The following ARMC2 variants were observed in gnomAD, a reference collection of about 807,000 sequenced individuals.
ARMC2 encodes the protein armadillo repeat containing 2, also known as armadillo repeat-containing protein 2.
A neutral mutation model predicts 90.3 loss-of-function variants in ARMC2; 67 were observed. That is an observed-to-expected ratio of 0.74 (90% CI 0.61 to 0.91). ARMC2 has a LOEUF of 0.91. Among genes scored for constraint, ARMC2 ranks in the 40% least tolerant of loss-of-function variants. The pLI, the probability that ARMC2 is intolerant of heterozygous loss-of-function variation, is 0.00. For missense variants in ARMC2, 920 were observed against 1,030.9 expected, an observed-to-expected ratio of 0.89 and a Z score of 1.47; for synonymous variants, 393 against 393.0, an observed-to-expected ratio of 1.00 and a Z score of 0.00.
the ARMC2 span, among the ~76,000 whole-genome samples, chr6:109,023,028 T>C: frequency 6.6e-6 from 1 of 152,190 alleles, no homozygotes; most frequent in African/African-American, 2.4e-5. Flanking sequence ...ATCTGCTCTG[T>C]ATGACTGCTC....
At chr6:108,872,784 G>C (rs1249412756) in intron 4 of ARMC2, among the ~76,000 whole-genome samples, 3 of 152,202 alleles carry the variant, frequency 2.0e-5, no homozygotes, top group South Asian at 4.1e-4. Context: ...CTACAGAAGT[G>C]TTTGCCAAAC....
rs1026234888 is a variant in ARMC2 at position 108,964,191 on chromosome 6, A to G, written c.2164A>G (p.Met722Val). 1.2e-6 allele frequency: 2 copies of G among 1,613,772 alleles called. No homozygotes were observed. The highest frequency in any genetic ancestry group is 3.3e-5 in the Admixed American group (2 of 59,964). The change falls in exon 16 of 18, where the codon ATG becomes GTG. Residue 722 changes from methionine to valine, a missense_variant. By Grantham distance (21) the Met-to-Val change is conservative (BLOSUM62 1). Transcript: ENST00000392644. ...CTCTTCCCTCGTAGTCCACAGGTTC[A>G]TGATGGCGCTGCTGGATGCTCAGCA... is the stretch of plus-strand genomic sequence containing the variant. ...FIVQNNVHRF[M>V]MALLDAQHQD...
the ARMC2 span, among the ~76,000 whole-genome samples, chr6:108,981,852 A>G: frequency 1.3e-5 from 2 of 152,028 alleles, no homozygotes; most frequent in Non-Finnish European, 2.9e-5. Context: ...TTTTTAGTAG[A>G]GATGGGGTTT....
chr6:108,889,433 A>C lies in ARMC2; in HGVS notation c.672-5034A>C, dbSNP rs555127009. On this transcript the variant is annotated intron_variant, in intron 5 of 17. Coordinates refer to ENST00000392644, the MANE Select transcript of ARMC2 (RefSeq NM_032131.6). ...AGTGCTGGGATTACAGGTGTGACCC[A>C]CTGCGCCCTGCCTGTTATTATTTTT... 2.0e-5 allele frequency among the ~76,000 whole-genome samples: 3 copies of C among 151,690 alleles called. No homozygotes were observed. In the South Asian group the frequency reaches 6.2e-4, roughly 32 times the overall value.
chr6:108,909,751 GT>G (rs1773219061), intron 8 of ARMC2, among the ~76,000 whole-genome samples: 1 of 152,066 alleles, frequency 6.6e-6, no homozygotes, highest in Admixed American at 6.5e-5. Context: ...GGTCAGGCTG[GT>G]CTCGAACTCC....
intron 12 of ARMC2, among the ~76,000 whole-genome samples, chr6:108,942,682 G>A (rs960850906): frequency 7.9e-5 from 12 of 152,004 alleles, no homozygotes; most frequent in Admixed American, 5.2e-4. Flanking sequence ...AAGCTTTGTA[G>A]TCTCTTAATA....
the ARMC2 span, among the ~76,000 whole-genome samples, chr6:109,011,875 C>T: frequency 7.2e-5 from 11 of 152,098 alleles, no homozygotes; most frequent in Admixed American, 3.3e-4. Context: ...GCAATTTTCC[C>T]GCCTTTGCCT....
At position 108,962,698 on chromosome 6, in the gene ARMC2, A is replaced by G. The variant is rs79527115; in HGVS notation, c.2152+571A>G. On this transcript the variant is annotated intron_variant, in intron 15 of 17. Transcript: ENST00000392644. ...AGTATAAATAGTAATTGGAAATAGT[A>G]AACTCCAATTTAAGACAGAGTTCAG... Among the ~76,000 whole-genome samples, 1,203 of 152,354 alleles carry G rather than the reference A, an allele frequency of 7.9e-3. 20 individuals carry two copies. The highest frequency in any genetic ancestry group is 0.028 in the African/African-American group (1,156 of 41,582).
intron 1 of ARMC2, chr6:108,848,803 GCCGCTGT>G: frequency 6.6e-6 from 1 of 152,488 alleles, no homozygotes; most frequent in South Asian, 2.1e-4. Context: ...GGGTGGGGGA[GCCGCTGT>G]CCGAGCGGGA....
At chr6:108,946,554 T>C (rs181595283) in intron 12 of ARMC2, among the ~76,000 whole-genome samples, 1 of 152,338 alleles carries the variant, frequency 6.6e-6, no homozygotes, top group Non-Finnish European at 1.5e-5. Flanking sequence ...AATGTTTGAG[T>C]TTTGTTTGAG....
At chr6:109,026,863 T>C in the ARMC2 span, among the ~76,000 whole-genome samples, 1 of 152,032 alleles carries the variant, frequency 6.6e-6, no homozygotes, top group Non-Finnish European at 1.5e-5. Flanking sequence ...CATTTTATAT[T>C]ATCACCCATC....
At chr6:108,896,842 G>A (rs1387670796) in intron 6 of ARMC2, among the ~76,000 whole-genome samples, 1 of 152,106 alleles carries the variant, frequency 6.6e-6, no homozygotes, top group African/African-American at 2.4e-5. Flanking sequence ...TGAACTTATT[G>A]GACTCAAAGT....
the ARMC2 span, among the ~76,000 whole-genome samples, chr6:109,027,583 C>G: frequency 6.8e-6 from 1 of 147,644 alleles, no homozygotes; most frequent in Non-Finnish European, 1.5e-5. Context: ...TTGTTCTTAA[C>G]AAGTGATTTT....
chr6:108,973,570 C>A lies in ARMC2; in HGVS notation c.*56C>A. 6.8e-7 allele frequency: 1 copy of A among 1,477,868 alleles called. No homozygotes were observed. The highest frequency in any genetic ancestry group is 9.1e-7 in the Non-Finnish European group (1 of 1,096,704). 91.5% of individuals were successfully genotyped at this position (1,477,868 alleles called of 1,614,324 possible). ...CTCACGTCTCCCTCATTCTTAAGAACTGGTAACAAACGTGAACATTTTTTT... is the reference window on the plus strand; with the variant it reads ...CTCACGTCTCCCTCATTCTTAAGAAATGGTAACAAACGTGAACATTTTTTT... On this transcript the variant is annotated 3_prime_UTR_variant, in exon 18 of 18. Transcript: ENST00000392644.
the ARMC2 span, chr6:108,990,910 G>A: frequency 7.8e-6 from 10 of 1,282,130 alleles, no homozygotes; most frequent in Middle Eastern, 2.7e-4. Flanking sequence ...CTGTAGCATG[G>A]TAAAAATCAT....
At chr6:109,000,507 G>T in the ARMC2 span, 3 of 1,588,226 alleles carry the variant, frequency 1.9e-6, no homozygotes, top group African/African-American at 1.3e-5. Flanking sequence ...GTGTTCTTTG[G>T]TAATAAGCCA....
intron 11 of ARMC2, among the ~76,000 whole-genome samples, chr6:108,932,405 T>G (rs1303472810): frequency 2.0e-5 from 3 of 151,712 alleles, no homozygotes; most frequent in African/African-American, 7.3e-5. Flanking sequence ...TCATCCATCT[T>G]GAGTTGATTT....
chr6:109,003,798 G>A, the ARMC2 span, among the ~76,000 whole-genome samples: 1 of 152,144 alleles, frequency 6.6e-6, no homozygotes, highest in East Asian at 1.9e-4. Flanking sequence ...TATATACAAT[G>A]ATGACTCTTA....
intron 10 of ARMC2, among the ~76,000 whole-genome samples, chr6:108,913,442 T>G (rs1189536815): frequency 6.6e-6 from 1 of 152,248 alleles, no homozygotes; most frequent in African/African-American, 2.4e-5. Context: ...AAACCTCTTT[T>G]AGTCATCAAT....
Sources: allele counts gnomAD v4.1 joint callset (sites outside exome capture counted in the v4.1 genomes callset), GRCh38; gene constraint gnomAD v4.1.1; transcripts MANE v1.5; gene names NCBI Gene and HGNC (gene_info 2026-07-23, HGNC 2026-07-21).